PTPRT: variants seen among roughly 807,000 people sequenced by gnomAD.
PTPRT encodes receptor-type tyrosine-protein phosphatase T.
PTPRT carries 56 observed loss-of-function variants against 176.8 expected under a neutral mutation model. That is an observed-to-expected ratio of 0.32 (90% CI 0.26 to 0.40). PTPRT has a LOEUF of 0.40. Among genes scored for constraint, PTPRT ranks in the 10% least tolerant of loss-of-function variants. The probability of loss-of-function intolerance (pLI) is 1.00; values close to 1 mark genes in which losing one functional copy is unlikely to be tolerated. For synonymous variants in PTPRT, 783 were observed against 739.0 expected, an observed-to-expected ratio of 1.06 and a Z score of -0.96; for missense variants, 1,540 against 1,908.2, an observed-to-expected ratio of 0.81 and a Z score of 3.60.
At chr20:42,340,062 T>C (rs894608971) in intron 11 of PTPRT, among the ~76,000 whole-genome samples, 10 of 152,166 alleles carry the variant, frequency 6.6e-5, no homozygotes, top group South Asian at 2.1e-4. Context: ...TGTAGTAAAA[T>C]AGAATTTTCT....
intron 21 of PTPRT, among the ~76,000 whole-genome samples, chr20:42,117,072 A>G (rs1246914311): frequency 1.3e-5 from 2 of 152,102 alleles, no homozygotes; most frequent in Non-Finnish European, 2.9e-5. Flanking sequence ...TGGCTGAGTG[A>G]CGTCAGGGTA....
At position 42,841,610 on chromosome 20, in the gene PTPRT, T is replaced by TACACAC. The variant is rs3973897; in HGVS notation, c.214+44191_214+44196dup. 2.4e-3 allele frequency among the ~76,000 whole-genome samples: 332 copies of TACACAC among 141,004 alleles called. 1 individual carries two copies. The highest frequency in any genetic ancestry group is 7.1e-3 in the Middle Eastern group (2 of 280). The allele number at this position is 141,004 out of a possible 152,430, so 92.5% of individuals were successfully genotyped here. Reference sequence around the variant, plus strand: ...ACAGCCAAATGAATTTAGTGTTAAATACACACACACACACACACACACACA... The same window carrying TACACAC: ...ACAGCCAAATGAATTTAGTGTTAAATACACACACACACACACACACACACACACACA... On this transcript the variant is annotated intron_variant, in intron 2 of 30. Transcript: ENST00000373187.
At chr20:42,405,763 A>G (rs1013530706) in intron 9 of PTPRT, among the ~76,000 whole-genome samples, 2 of 152,258 alleles carry the variant, frequency 1.3e-5, no homozygotes, top group East Asian at 1.9e-4. Flanking sequence ...TTGAGGAATC[A>G]CCACACTGTC....
At chr20:42,884,600 G>A (rs529875960) in intron 2 of PTPRT, among the ~76,000 whole-genome samples, 26 of 152,264 alleles carry the variant, frequency 1.7e-4, no homozygotes, top group Non-Finnish European at 2.6e-4. Flanking sequence ...AGTATCTGAG[G>A]CCATGGGAGT....
chr20:42,492,269 C>T (rs948117108), intron 7 of PTPRT, among the ~76,000 whole-genome samples: 4 of 152,248 alleles, frequency 2.6e-5, no homozygotes, highest in African/African-American at 7.2e-5. Context: ...AGGCAAAGTA[C>T]CTTCCAGAGC....
chr20:42,961,179 T>C (rs1409548848), intron 1 of PTPRT, among the ~76,000 whole-genome samples: 1 of 152,184 alleles, frequency 6.6e-6, no homozygotes, highest in East Asian at 1.9e-4. Context: ...AATCCAATTG[T>C]TGATAAGAAG....
At chr20:43,093,904 C>T (rs1038629609) in intron 1 of PTPRT, among the ~76,000 whole-genome samples, 1 of 152,020 alleles carries the variant, frequency 6.6e-6, no homozygotes, top group African/African-American at 2.4e-5. Flanking sequence ...TCTGGGGTTC[C>T]CACAAGCCTT....
At chr20:43,165,349 G>A (rs536172726) in intron 1 of PTPRT, among the ~76,000 whole-genome samples, 4 of 152,176 alleles carry the variant, frequency 2.6e-5, no homozygotes, top group Admixed American at 2.0e-4. Context: ...TTCTAATAGA[G>A]ATGGGGTTTC....
intron 16 of PTPRT, among the ~76,000 whole-genome samples, chr20:42,190,475 C>A (rs1990959541): frequency 6.6e-6 from 1 of 152,296 alleles, no homozygotes; most frequent in Non-Finnish European, 1.5e-5. Context: ...TGAGCTAGAG[C>A]CTTCCTCTCC....
At chr20:43,015,576 C>T (rs1985327470) in intron 1 of PTPRT, among the ~76,000 whole-genome samples, 2 of 152,188 alleles carry the variant, frequency 1.3e-5, no homozygotes, top group African/African-American at 4.8e-5. Context: ...CATGAACATA[C>T]ACACACATGT....
intron 15 of PTPRT, among the ~76,000 whole-genome samples, chr20:42,204,118 A>C (rs953764313): frequency 2.6e-5 from 4 of 152,234 alleles, no homozygotes; most frequent in African/African-American, 9.6e-5. Context: ...GCAAAGAAAG[A>C]GAAGGAAACG....
At chr20:42,401,686 G>A (rs982108026) in intron 9 of PTPRT, among the ~76,000 whole-genome samples, 2 of 152,114 alleles carry the variant, frequency 1.3e-5, no homozygotes, top group African/African-American at 4.8e-5. Flanking sequence ...AGGAAATGGG[G>A]TTAGCAGAGA....
chr20:42,184,500 CTT>C (rs1491206926), intron 16 of PTPRT, among the ~76,000 whole-genome samples: 3 of 127,328 alleles, frequency 2.4e-5, no homozygotes, highest in Non-Finnish European at 3.5e-5. Flanking sequence ...TTCCTCCCCC[CTT>C]CCTCCTCCTC....
At chr20:42,688,112 C>CT (rs1366302662) in intron 6 of PTPRT, 1 of 152,192 alleles carries the variant, frequency 6.6e-6, no homozygotes, top group Non-Finnish European at 1.5e-5. Context: ...TGCCAGCTGG[C>CT]TTTGGTCCAG....
At chr20:43,126,368 A>G (rs548714286) in intron 1 of PTPRT, among the ~76,000 whole-genome samples, 4 of 151,784 alleles carry the variant, frequency 2.6e-5, no homozygotes, top group African/African-American at 7.3e-5. Context: ...AAAAAAAAAG[A>G]AAGAAAAAAA....
intron 1 of PTPRT, among the ~76,000 whole-genome samples, chr20:42,979,878 G>A (rs1983169822): frequency 6.6e-6 from 1 of 150,510 alleles, no homozygotes; most frequent in African/African-American, 2.4e-5. Context: ...CCTGTGTCCA[G>A]CCCCAAATCT....
At chr20:42,371,391 C>G (rs1285393276) in intron 9 of PTPRT, among the ~76,000 whole-genome samples, 6 of 152,242 alleles carry the variant, frequency 3.9e-5, no homozygotes, top group African/African-American at 1.4e-4. Context: ...GCACCACTTA[C>G]AGAGAACACA....
At chr20:42,334,430 G>C (rs1300349477) in intron 11 of PTPRT, among the ~76,000 whole-genome samples, 1 of 152,162 alleles carries the variant, frequency 6.6e-6, no homozygotes, top group African/African-American at 2.4e-5. Context: ...AAAAAGAAAT[G>C]TTAATAGCAT....
intron 18 of PTPRT, 47 bp from the exon 19 acceptor site, chr20:42,128,877 C>T (rs779768988): frequency 1.9e-5 from 29 of 1,490,186 alleles, no homozygotes; most frequent in African/African-American, 1.4e-4. Context: ...AGAGGCCTTA[C>T]GCAGCTAATG....
Sources: allele counts gnomAD v4.1 joint callset (sites outside exome capture counted in the v4.1 genomes callset), GRCh38; gene constraint gnomAD v4.1.1; transcripts MANE v1.5; gene names NCBI Gene and HGNC (gene_info 2026-07-23, HGNC 2026-07-21).